Variants in ZNF292 observed in about 807,000 individuals in gnomAD.
ZNF292 encodes zinc finger protein 292.
ZNF292 carries 26 observed loss-of-function variants against 217.9 expected under a neutral mutation model. That is an observed-to-expected ratio of 0.12 (90% CI 0.09 to 0.17). ZNF292 has a LOEUF of 0.17. ZNF292 is among the 10% of genes least tolerant of loss of function. The pLI is 1.00. For missense variants in ZNF292, 2,904 were observed against 3,175.2 expected, an observed-to-expected ratio of 0.91 and a Z score of 2.05; for synonymous variants, 1,257 against 1,124.1, an observed-to-expected ratio of 1.12 and a Z score of -2.37.
At chr6:87,189,599 C>T (rs1771769877) in intron 1 of ZNF292, among the ~76,000 whole-genome samples, 1 of 151,272 alleles carries the variant, frequency 6.6e-6, no homozygotes, top group Non-Finnish European at 1.5e-5. Context: ...ATGAATTTGT[C>T]TAATATTTTT....
chr6:87,184,309 C>T (rs1771567269), intron 1 of ZNF292, among the ~76,000 whole-genome samples: 1 of 152,162 alleles, frequency 6.6e-6, no homozygotes, highest in African/African-American at 2.4e-5. Context: ...GAGTGGTGTA[C>T]TCTACACATT....
chr6:87,174,960 C>T (rs916282042), intron 1 of ZNF292, among the ~76,000 whole-genome samples: 3 of 152,202 alleles, frequency 2.0e-5, no homozygotes, highest in Non-Finnish European at 4.4e-5. Flanking sequence ...CTTTTCATTT[C>T]CTTCCTGGGA....
At chr6:87,156,004 C>T (rs936847374) in intron 1 of ZNF292, among the ~76,000 whole-genome samples, 3 of 152,260 alleles carry the variant, frequency 2.0e-5, no homozygotes, top group Admixed American at 1.3e-4. Flanking sequence ...CTCCCCTTTC[C>T]TTCCCTGAAC....
In ZNF292 at chr6:87,243,622, C is replaced by CTT. The variant is rs200888322; in HGVS notation, c.878+21_878+22dup. ...TATGTACTGCGCTTGGTGAGTTGAT[C>CTT]TTTTTTTTTTTAAAGAAATATTTGT... On this transcript the variant is annotated intron_variant, in intron 6 of 7. Coordinates refer to ENST00000369577, the MANE Select transcript of ZNF292 (RefSeq NM_015021.3). 267 of 1,162,346 alleles carry CTT rather than the reference C, an allele frequency of 2.3e-4. No individual in the cohort carries two copies. The highest frequency in any genetic ancestry group is 7.5e-4 in the South Asian group (39 of 52,142). 72.0% of individuals were successfully genotyped at this position (1,162,346 alleles called of 1,614,324 possible). A position where few individuals can be genotyped will look rare whatever the true frequency, so the allele number is the denominator to read the frequency against.
intron 4 of ZNF292, among the ~76,000 whole-genome samples, chr6:87,221,743 A>G (rs1034850956): frequency 6.6e-6 from 1 of 152,192 alleles, no homozygotes; most frequent in Admixed American, 6.5e-5. Flanking sequence ...TTATAAATCT[A>G]CAATCGTGAT....
At chr6:87,185,603 G>A (rs887928025) in intron 1 of ZNF292, among the ~76,000 whole-genome samples, 2 of 151,972 alleles carry the variant, frequency 1.3e-5, no homozygotes, top group Non-Finnish European at 1.5e-5. Context: ...CCTCAGCTGG[G>A]ACTACAGGTG....
chr6:87,155,771 C>T lies in ZNF292; in HGVS notation c.168+12C>T, dbSNP rs1369210138. On this transcript the variant is annotated intron_variant, in intron 1 of 7. Coordinates refer to ENST00000369577, the MANE Select transcript of ZNF292 (RefSeq NM_015021.3). Reference sequence around the variant, plus strand: ...AGCAGCTGTGCCAGGTGAGGGCGCCCGGTGGTCCCCTCCCCCTTTCCCCAG... The same window carrying T: ...AGCAGCTGTGCCAGGTGAGGGCGCCTGGTGGTCCCCTCCCCCTTTCCCCAG... The T allele has an allele frequency of 5.7e-6, 9 of 1,581,128 alleles. No individual in the cohort carries two copies. The highest frequency in any genetic ancestry group is 1.3e-5 in the African/African-American group (1 of 74,338).
chr6:87,233,346 A>G lies in ZNF292; in HGVS notation c.560A>G (p.Glu187Gly). The G allele has an allele frequency of 6.2e-7, 1 of 1,608,370 alleles. No homozygotes were observed. Among genetic ancestry groups the G allele is most frequent in the Non-Finnish European group, 8.5e-7 (1 of 1,177,776 alleles). Residue 187 changes from glutamate to glycine, a missense_variant, in exon 5 of 8, where the codon GAG (glutamate) becomes GGG (glycine). Glu to Gly is a moderately conservative substitution (Grantham distance 98, BLOSUM62 -2). Around this residue, in one of 15 missense-constraint regions of ZNF292, gnomAD observed 313 missense variants for 451.0 expected, o/e 0.69. Transcript: ENST00000369577. Reference sequence around the variant, plus strand: ...AAAGTGAATGAATTTTTAGCTTTTGAGGGTCCCATCTTGTTGGATATGAGA... The same window carrying G: ...AAAGTGAATGAATTTTTAGCTTTTGGGGGTCCCATCTTGTTGGATATGAGA... The part of the protein sequence containing the change: ...KDKVNEFLAF[E>G]GPILLDMRIK...
Position 87,245,607 on chromosome 6 carries a change from A to G in ZNF292, c.983A>G (p.Tyr328Cys). Residue 328 changes from tyrosine (Y) to cysteine (C), a missense_variant, in exon 7 of 8, where the codon TAT becomes TGT. By Grantham distance (194) the Tyr-to-Cys change is radical. Transcript: ENST00000369577. ...RQLSLLTKTV[Y>C]HIFFLIKVIN... ...CTTTCTTTGTTAACGAAAACAGTAT[A>G]TCACATTTTCTTCCTGATTAAAGTT... The G allele has an allele frequency of 2.0e-6, 3 of 1,536,404 alleles. No homozygotes were observed. The highest frequency in any genetic ancestry group is 2.7e-6 in the Non-Finnish European group (3 of 1,127,882).
intron 4 of ZNF292, among the ~76,000 whole-genome samples, chr6:87,229,513 G>A (rs181130220): frequency 2.0e-5 from 3 of 151,488 alleles, no homozygotes; most frequent in African/African-American, 4.8e-5. Context: ...TGCAACCTCC[G>A]CCTCCCGGGT....
intron 5 of ZNF292, among the ~76,000 whole-genome samples, chr6:87,235,042 A>G (rs1348096999): frequency 2.0e-5 from 3 of 152,184 alleles, no homozygotes; most frequent in Non-Finnish European, 4.4e-5. Flanking sequence ...CTAGGATACT[A>G]TATCACTATT....
At chr6:87,221,660 T>C (rs1354300691) in intron 4 of ZNF292, among the ~76,000 whole-genome samples, 1 of 152,186 alleles carries the variant, frequency 6.6e-6, no homozygotes, top group African/African-American at 2.4e-5. Context: ...TTTTTTATTT[T>C]TGTGGATATA....
intron 1 of ZNF292, among the ~76,000 whole-genome samples, chr6:87,190,156 G>A (rs771958064): frequency 6.6e-6 from 1 of 152,174 alleles, no homozygotes; most frequent in Non-Finnish European, 1.5e-5. Context: ...TTTGGATTGA[G>A]AAGAAAATTT....
intron 1 of ZNF292, among the ~76,000 whole-genome samples, chr6:87,191,074 CT>C (rs558571131): frequency 2.6e-5 from 4 of 150,956 alleles, no homozygotes; most frequent in Admixed American, 6.6e-5. Flanking sequence ...GTGTACCATA[CT>C]TTTTTTTTAA....
At chr6:87,224,302 CT>C (rs1773232626) in intron 4 of ZNF292, among the ~76,000 whole-genome samples, 2 of 151,996 alleles carry the variant, frequency 1.3e-5, no homozygotes, top group Admixed American at 1.3e-4. Context: ...CCATCTTGGG[CT>C]TCCTGAACCT....
chr6:87,250,037 C>CA lies in ZNF292; in HGVS notation c.1020+4404dup, dbSNP rs75971468. On this transcript the variant is annotated intron_variant, in intron 7 of 7. Transcript: ENST00000369577. ...CTGGTAACCCTTAAAAAAAAAAAAA[C>CA]AAAAAAAAAAACTCCAGGAATTGAA... Among the ~76,000 whole-genome samples, 139 of 79,626 alleles carry CA rather than the reference C, an allele frequency of 1.7e-3. 1 individual carries two copies. Among genetic ancestry groups the CA allele is most frequent in the South Asian group, 5.4e-3 (12 of 2,234 alleles). 52.2% of individuals were successfully genotyped at this position (79,626 alleles called of 152,430 possible).
At chr6:87,211,906 A>T (rs1338306450) in intron 1 of ZNF292, among the ~76,000 whole-genome samples, 2 of 152,202 alleles carry the variant, frequency 1.3e-5, no homozygotes, top group Non-Finnish European at 2.9e-5. Context: ...TATGTGTATA[A>T]ATATAAATAT....
rs776357059 is a variant in ZNF292 at position 87,260,101 on chromosome 6, A to G, written c.6472A>G (p.Lys2158Glu). The G allele has an allele frequency of 3.7e-6, 6 of 1,613,548 alleles. No individual in the cohort carries two copies. The highest frequency in any genetic ancestry group is 5.1e-6 in the Non-Finnish European group (6 of 1,179,622). ...AEVEEESEAG[K>E]ESEETETKQT... ...GGTCGAAGAGGAAAGTGAAGCTGGTAAAGAAAGTGAAGAAACTGAAACTAA... is the reference window on the plus strand; with the variant it reads ...GGTCGAAGAGGAAAGTGAAGCTGGTGAAGAAAGTGAAGAAACTGAAACTAA... Residue 2158 changes from lysine to glutamate, a missense_variant, in exon 8 of 8, where the codon AAA becomes GAA. Physicochemically the swap from Lys to Glu is moderately conservative, Grantham distance 56. Around this residue, in one of 15 missense-constraint regions of ZNF292, gnomAD observed 261 missense variants for 272.8 expected, o/e 0.96. Coordinates refer to ENST00000369577, the MANE Select transcript of ZNF292 (RefSeq NM_015021.3).
intron 1 of ZNF292, among the ~76,000 whole-genome samples, chr6:87,161,423 T>G (rs1039587512): frequency 6.6e-6 from 1 of 152,186 alleles, no homozygotes; most frequent in Non-Finnish European, 1.5e-5. Context: ...ATTGTTTTGC[T>G]TTATTTTTAT....
Sources: allele counts gnomAD v4.1 joint callset (sites outside exome capture counted in the v4.1 genomes callset), GRCh38; gene constraint gnomAD v4.1.1; regional missense constraint gnomAD v4.1.1; transcripts MANE v1.5; gene names NCBI Gene and HGNC (gene_info 2026-07-23, HGNC 2026-07-21).